Variants in SATB2 observed in about 807,000 individuals in gnomAD.
The protein encoded by SATB2 is DNA-binding protein SATB2.
SATB2 carries 1 observed loss-of-function variant against 73.4 expected under a neutral mutation model. That is an observed-to-expected ratio of 0.01 (90% confidence interval 0.00 to 0.06). The LOEUF (loss-of-function observed/expected upper bound fraction) is 0.06, where lower values mean the gene tolerates loss of function less well. SATB2 is among the 10% of genes least tolerant of loss of function. The probability of loss-of-function intolerance (pLI) is 1.00; values close to 1 mark genes in which losing one functional copy is unlikely to be tolerated. For missense variants in SATB2, 459 were observed against 945.8 expected (o/e 0.49, Z 6.75); for synonymous variants, 397 against 367.0 (o/e 1.08, Z -0.93).
At chr2:199,374,097 C>G (rs1689527284) in intron 5 of SATB2, among the ~76,000 whole-genome samples, 1 of 152,156 alleles carries the variant, frequency 6.6e-6, no homozygotes, top group African/African-American at 2.4e-5. Flanking sequence ...CTCAGGATGA[C>G]AGAAATAATT....
At chr2:199,352,163 T>C (rs1275520870) in intron 6 of SATB2, among the ~76,000 whole-genome samples, 2 of 152,190 alleles carry the variant, frequency 1.3e-5, no homozygotes, top group Non-Finnish European at 2.9e-5. Flanking sequence ...CGTGAGCCAC[T>C]GTACCTGGCC....
chr2:199,367,976 G>A (rs189653976), intron 6 of SATB2, among the ~76,000 whole-genome samples: 1 of 152,124 alleles, frequency 6.6e-6, no homozygotes, highest in East Asian at 1.9e-4. Flanking sequence ...ATTATTAGTA[G>A]TAGTATACTA....
intron 10 of SATB2, among the ~76,000 whole-genome samples, chr2:199,273,918 C>T (rs1464553604): frequency 6.6e-6 from 1 of 152,140 alleles, no homozygotes; most frequent in African/African-American, 2.4e-5. Context: ...AACATGAAGT[C>T]CTGATGAGGA....
intron 10 of SATB2, among the ~76,000 whole-genome samples, chr2:199,299,704 T>C (rs539042402): frequency 1.3e-5 from 2 of 152,268 alleles, no homozygotes; most frequent in East Asian, 3.9e-4. Context: ...TCCACAAATA[T>C]TTGTTGAATG....
At chr2:199,348,497 T>C (rs1000318408) in intron 7 of SATB2, 1 of 605,390 alleles carries the variant, frequency 1.7e-6, no homozygotes, top group African/African-American at 1.9e-5. Context: ...GTCCATTACC[T>C]CATCAAAATT....
intron 8 of SATB2, among the ~76,000 whole-genome samples, 190 bp from the exon 9 acceptor site, chr2:199,324,148 T>C (rs577740549): frequency 6.6e-6 from 1 of 152,146 alleles, no homozygotes; most frequent in Non-Finnish European, 1.5e-5. Context: ...CTATAGGACA[T>C]GCAGAATCCT....
rs1690138472 is a variant in SATB2 at position 199,391,460 on chromosome 2, C to CA, written c.347-9641dup. Among the ~76,000 whole-genome samples the CA allele has an allele frequency of 2.1e-5, 3 of 142,566 alleles. No individual in the cohort carries two copies. The South Asian group carries it at 6.7e-4, about 32-fold the overall frequency. 93.5% of individuals were successfully genotyped at this position (142,566 alleles called of 152,430 possible). A position where few individuals can be genotyped will look rare whatever the true frequency, so the allele number is the denominator to read the frequency against. On this transcript the variant is annotated intron_variant, in intron 3 of 10. Transcript: ENST00000417098. ...AAAAAAAAAAAAAAAAAACAAAAAA[C>CA]AAAAAACGAGTATTTTAATATATTT...
At chr2:199,350,989 C>T (rs1688798895) in intron 6 of SATB2, among the ~76,000 whole-genome samples, 1 of 146,300 alleles carries the variant, frequency 6.8e-6, no homozygotes, top group African/African-American at 2.6e-5. Flanking sequence ...GAAATCACAC[C>T]ACTGCACTCC....
intron 10 of SATB2, among the ~76,000 whole-genome samples, chr2:199,296,209 C>T (rs1354976937): frequency 1.3e-5 from 2 of 152,070 alleles, no homozygotes; most frequent in Non-Finnish European, 2.9e-5. Context: ...ATTTGTTTTT[C>T]CAAAATGCAT....
At chr2:199,338,484 T>C (rs1315737938) in intron 7 of SATB2, among the ~76,000 whole-genome samples, 2 of 152,136 alleles carry the variant, frequency 1.3e-5, no homozygotes, top group East Asian at 3.9e-4. Context: ...GAGTCAATCA[T>C]TCCCTGTTAG....
intron 10 of SATB2, among the ~76,000 whole-genome samples, chr2:199,299,258 C>T (rs1270658616): frequency 6.6e-6 from 1 of 152,196 alleles, no homozygotes; most frequent in African/African-American, 2.4e-5. Flanking sequence ...TAAAATGCCA[C>T]TTGATCATTA....
chr2:199,302,700 G>A lies in SATB2; in HGVS notation c.1740+6060C>T, dbSNP rs186232766. 7.4e-4 allele frequency among the ~76,000 whole-genome samples: 113 copies of A among 152,292 alleles called. 2 individuals carry two copies. The highest frequency in any genetic ancestry group is 2.1e-3 in the Admixed American group (32 of 15,302). ...TTCTAGTAACCCGGTAAGAGAATTTGTAAACATTCTTAATGGATTAATTAG... is the reference window on the plus strand; with the variant it reads ...TTCTAGTAACCCGGTAAGAGAATTTATAAACATTCTTAATGGATTAATTAG... On this transcript the variant is annotated intron_variant, in intron 10 of 10. Coordinates refer to ENST00000417098, the MANE Select transcript of SATB2 (RefSeq NM_001172509.2).
At chr2:199,396,653 T>C (rs1402009723) in intron 3 of SATB2, 1 of 152,142 alleles carries the variant, frequency 6.6e-6, no homozygotes, top group Non-Finnish European at 1.5e-5. Flanking sequence ...AGGTACACAC[T>C]GAGAAACTGC....
chr2:199,345,468 T>C (rs1688624132), intron 7 of SATB2, among the ~76,000 whole-genome samples: 1 of 140,450 alleles, frequency 7.1e-6, no homozygotes, highest in Admixed American at 7.6e-5. Flanking sequence ...ACATTTTCAC[T>C]TAAGAAGTTG....
chr2:199,323,317 A>G (rs1351133863), intron 9 of SATB2, among the ~76,000 whole-genome samples: 1 of 152,050 alleles, frequency 6.6e-6, no homozygotes, highest in Non-Finnish European at 1.5e-5. Flanking sequence ...TCTGTACATA[A>G]AAGAAACACC....
Position 199,323,951 on chromosome 2 carries a change from G to A in SATB2, c.1394C>T (p.Thr465Ile). ...AGGGAGGTCTGTTGTCGGTGTCGAG[G>A]TTTTGGCCTACCAAGAGACCATGAA... ...PSSSRTPQAK[T>I]STPTTDLPIK... The change falls in exon 9 of 11, where the codon ACC becomes ATC. Residue 465 changes from threonine (T) to isoleucine (I), a missense_variant. This residue lies in a region of SATB2 where 53 missense variants were observed against 70.5 expected (regional missense o/e 0.75). Transcript: ENST00000417098. 5 of 1,613,320 alleles carry A rather than the reference G, an allele frequency of 3.1e-6. No homozygotes were observed. Among genetic ancestry groups the A allele is most frequent in the Non-Finnish European group, 4.2e-6 (5 of 1,179,496 alleles).
At chr2:199,467,017 A>G (rs1016136361), upstream of SATB2, among the ~76,000 whole-genome samples, 2 of 152,256 alleles carry the variant, frequency 1.3e-5, no homozygotes, top group African/African-American at 4.8e-5. Context: ...CACATCTTAC[A>G]CGTGCGGCCC....
upstream of SATB2, among the ~76,000 whole-genome samples, chr2:199,466,100 T>G (rs1692587209): frequency 6.6e-6 from 1 of 152,200 alleles, no homozygotes; most frequent in Non-Finnish European, 1.5e-5. Flanking sequence ...TGCTGAGGGC[T>G]GCCCCTGCCA....
At chr2:199,273,857 C>T (rs982623954) in intron 10 of SATB2, among the ~76,000 whole-genome samples, 6 of 151,932 alleles carry the variant, frequency 3.9e-5, no homozygotes, top group South Asian at 2.1e-4. Flanking sequence ...AACTCAGTCC[C>T]GGCTCTCCCC....
Sources: gnomAD v4.1 joint callset for allele counts (sites outside exome capture counted in the v4.1 genomes callset) on GRCh38, gnomAD v4.1.1 for gene constraint, gnomAD v4.1.1 regional missense constraint, MANE v1.5 for transcripts, NCBI Gene and HGNC (gene_info 2026-07-23, HGNC 2026-07-21) for gene names.